The following NUP214 variants were observed in gnomAD, a reference collection of about 807,000 sequenced individuals.
NUP214 encodes nucleoporin 214.
NUP214 carries 79 observed loss-of-function variants against 196.2 expected under a neutral mutation model. The observed-to-expected ratio is 0.40, with a 90% CI of 0.34 to 0.49. The LOEUF (loss-of-function observed/expected upper bound fraction) is 0.49, where lower values mean the gene tolerates loss of function less well. NUP214 is among the 20% of genes least tolerant of loss of function. The pLI, the probability that NUP214 is intolerant of heterozygous loss-of-function variation, is 0.58. For synonymous variants in NUP214, 1,020 were observed against 990.5 expected, an observed-to-expected ratio of 1.03 and a Z score of -0.56; for missense variants, 2,468 against 2,539.0, an observed-to-expected ratio of 0.97 and a Z score of 0.60.
At position 131,129,442 on chromosome 9, in the gene NUP214, G is replaced by A. The variant is rs781387491; in HGVS notation, c.557G>A (p.Cys186Tyr). 3 of 1,614,090 alleles carry A rather than the reference G, an allele frequency of 1.9e-6. No homozygotes were observed. The highest frequency in any genetic ancestry group is 3.3e-5 in the Admixed American group (2 of 60,002). The change falls in exon 4 of 36, where the codon TGT becomes TAT. Residue 186 changes from cysteine (C) to tyrosine (Y), a missense_variant. Cys to Tyr is a radical substitution (Grantham distance 194, BLOSUM62 -2). Transcript: ENST00000359428. ...VLQVTETVKV[C>Y]ATLPSTVAVT... ...CAAGTCACGGAAACAGTGAAAGTATGTGCAACTCTTCCTTCCACGGTAGCA... is the reference window on the plus strand; with the variant it reads ...CAAGTCACGGAAACAGTGAAAGTATATGCAACTCTTCCTTCCACGGTAGCA...
intron 14 of NUP214, among the ~76,000 whole-genome samples, chr9:131,148,712 T>C (rs1339349606): frequency 6.6e-6 from 1 of 152,204 alleles, no homozygotes; most frequent in East Asian, 1.9e-4. Flanking sequence ...TGTCTGTTCA[T>C]GTCTTTATTC....
At chr9:131,132,501 A>T (rs1054181466) in intron 5 of NUP214, 95 bp from the exon 6 acceptor site, 1 of 1,034,630 alleles carries the variant, frequency 9.7e-7, no homozygotes, top group African/African-American at 1.6e-5. Context: ...GAGATGGAAC[A>T]GGTAGCATCT....
chr9:131,222,312 G>A (rs1190246334), intron 31 of NUP214, among the ~76,000 whole-genome samples: 2 of 152,228 alleles, frequency 1.3e-5, no homozygotes, highest in Non-Finnish European at 2.9e-5. Context: ...TTTTGCCTGG[G>A]TTGGATTTGT....
In NUP214 at chr9:131,176,633, C is replaced by CT. The variant is rs1300439750; in HGVS notation, c.3319+1021dup. 4.1e-4 allele frequency among the ~76,000 whole-genome samples: 62 copies of CT among 151,428 alleles called. 1 individual carries two copies. In the East Asian group the frequency reaches 7.6e-3, roughly 18 times the overall value. On this transcript the variant is annotated intron_variant, in intron 23 of 35. Transcript: ENST00000359428. ...CATGAGCCACTGCTCCTGACCAAAG[C>CT]TTTTTTTTTAACATTGTAAAATTTA... is the stretch of plus-strand genomic sequence containing the variant.
Position 131,230,648 on chromosome 9 carries a change from C to T in NUP214, c.6093C>T (p.Asn2031=). 3 of 1,614,100 alleles carry T rather than the reference C, an allele frequency of 1.9e-6. No individual in the cohort carries two copies. Among genetic ancestry groups the T allele is most frequent in the Non-Finnish European group, 2.5e-6 (3 of 1,180,000 alleles). Residue 2031 remains asparagine (N), a synonymous_variant, in exon 34 of 36, where the codon AAC becomes AAT. Coordinates refer to ENST00000359428, the MANE Select transcript of NUP214 (RefSeq NM_005085.4). ...AGCGCAGGTTTGGGAGCAGCAGCAA[C>T]ACCACATCCTTCGGCACGCTCGCGA... ...AGGFGFGSSS[N]TTSFGTLASQ...
At position 131,233,973 on chromosome 9, in the gene NUP214, A is replaced by T. The variant is rs1834947646; in HGVS notation, c.*486A>T. On this transcript the variant is annotated 3_prime_UTR_variant, in exon 36 of 36. Coordinates refer to ENST00000359428, the MANE Select transcript of NUP214 (RefSeq NM_005085.4). ...ATCTCCTCTCCTTGTTCTTTTAGCC[A>T]TTGTGTATCAGGACCATCCAAGGAC... is the stretch of plus-strand genomic sequence containing the variant. 3.3e-6 allele frequency: 1 copy of T among 306,342 alleles called. No homozygotes were observed. The highest frequency in any genetic ancestry group is 2.1e-5 in the African/African-American group (1 of 47,210). 19.0% of individuals were successfully genotyped at this position (306,342 alleles called of 1,614,324 possible). A position where few individuals can be genotyped will look rare whatever the true frequency, so the allele number is the denominator to read the frequency against.
At chr9:131,216,345 G>A (rs747884050) in intron 31 of NUP214, among the ~76,000 whole-genome samples, 4 of 148,212 alleles carry the variant, frequency 2.7e-5, no homozygotes, top group Admixed American at 6.8e-5. Flanking sequence ...CTGCCTCAGC[G>A]TCCTGAATAG....
At chr9:131,126,022 AGT>A (rs1265588100) in intron 1 of NUP214, 3 of 501,494 alleles carry the variant, frequency 6.0e-6, no homozygotes, top group Non-Finnish European at 1.1e-5. Context: ...CTGTTTATTG[AGT>A]GTTGACTGTG....
At position 131,228,087 on chromosome 9, in the gene NUP214, GCTCAATGTCTT is replaced by G. The variant is rs369812244; in HGVS notation, c.5903-69_5903-59del. 539 of 1,385,928 alleles carry G rather than the reference GCTCAATGTCTT, an allele frequency of 3.9e-4. No homozygotes were observed. The African/African-American group carries it at 7.6e-3, about 20-fold the overall frequency. The allele number at this position is 1,385,928 out of a possible 1,614,324, so 85.9% of individuals were successfully genotyped here. The stretch of plus-strand genomic sequence containing the variant: ...TCCTATTTTGATTTGGTTTCTCATT[GCTCAATGTCTT>G]CTCTTCCTGTCTCCTCCTTTCTTTC... On this transcript the variant is annotated intron_variant, in intron 32 of 35. Coordinates refer to ENST00000359428, the MANE Select transcript of NUP214 (RefSeq NM_005085.4).
At position 131,178,291 on chromosome 9, in the gene NUP214, CT is replaced by C; in HGVS notation, c.3320-19del. ...TTTGCTGGAATTAATATGGTGTTCT[CT>C]CTTCTCTGTTTAAATTAGCTGTAAA... On this transcript the variant is annotated intron_variant, in intron 23 of 35. Transcript: ENST00000359428. 1 of 1,578,766 alleles carries C rather than the reference CT, an allele frequency of 6.3e-7. No homozygotes were observed.
intron 30 of NUP214, 146 bp from the exon 31 acceptor site, chr9:131,215,066 T>G: frequency 1.7e-6 from 1 of 587,338 alleles, no homozygotes; most frequent in Non-Finnish European, 2.7e-6. Flanking sequence ...TCTAGCTTCT[T>G]TTGTGGTGGT....
At chr9:131,164,005 A>G (rs1194388429) in intron 20 of NUP214, 50 bp downstream of exon 20, 1 of 1,611,832 alleles carries the variant, frequency 6.2e-7, no homozygotes, top group Non-Finnish European at 8.5e-7. Context: ...TCTTCCAAGT[A>G]CTGATATCTT....
intron 17 of NUP214, among the ~76,000 whole-genome samples, chr9:131,157,844 C>T (rs1022788700): frequency 8.5e-5 from 13 of 152,130 alleles, no homozygotes; most frequent in East Asian, 1.9e-4. Context: ...TGGGGTTTCA[C>T]CGTGTTGACC....
rs774706033 is a variant in NUP214, at chr9:131,127,718, A to C, written c.240A>C (p.Ile80=). 1 of 1,611,030 alleles carries C rather than the reference A, an allele frequency of 6.2e-7. No individual in the cohort carries two copies. Among genetic ancestry groups the C allele is most frequent in the South Asian group, 1.1e-5 (1 of 90,916 alleles). The change falls in exon 2 of 36, where the codon ATA becomes ATC. Residue 80 remains isoleucine (I), a splice_region_variant and synonymous_variant. Transcript: ENST00000359428. The part of the protein sequence containing the change: ...QNKPGDDPNK[I]VDKVQGLLVP... ...AACCCGGAGATGATCCCAACAAAATAGGTAAGTTCCCTGGTTTATGTTGCA... is the reference window on the plus strand; with the variant it reads ...AACCCGGAGATGATCCCAACAAAATCGGTAAGTTCCCTGGTTTATGTTGCA...
chr9:131,164,196 T>G (rs1564191622), intron 21 of NUP214, 52 bp downstream of exon 21: 3 of 1,460,090 alleles, frequency 2.1e-6, no homozygotes, highest in East Asian at 4.6e-5. Flanking sequence ...TGTGGTGGGG[T>G]GTGTGTGTGT....
At position 131,198,430 on chromosome 9, in the gene NUP214, G is replaced by A. The variant is rs762310124; in HGVS notation, c.4936G>A (p.Ala1646Thr). Residue 1646 changes from alanine (A) to threonine (T), a missense_variant, in exon 29 of 36, where the codon GCT becomes ACT. By Grantham distance (58) the Ala-to-Thr change is moderately conservative. Coordinates refer to ENST00000359428, the MANE Select transcript of NUP214 (RefSeq NM_005085.4). ...CGTCACTTCTGGCTCATCCGTCTTT[G>A]CTCAGCCTCCTGCTGCCAGTTCTAG... ...GTVTSGSSVFAQPPAASSSSA... is the reference protein window; with the variant it reads ...GTVTSGSSVFTQPPAASSSSA... The A allele has an allele frequency of 6.2e-7, 1 of 1,614,226 alleles. No individual in the cohort carries two copies. The highest frequency in any genetic ancestry group is 1.1e-5 in the South Asian group (1 of 91,086).
At chr9:131,181,345 C>G (rs149629393) in intron 24 of NUP214, among the ~76,000 whole-genome samples, 1 of 152,264 alleles carries the variant, frequency 6.6e-6, no homozygotes, top group East Asian at 1.9e-4. Context: ...GTTTGAGTCC[C>G]TGCTTTCAGT....
In NUP214 at chr9:131,139,516, T is replaced by C. The variant is rs1278057830; in HGVS notation, c.1132+109T>C. The stretch of plus-strand genomic sequence containing the variant: ...CAGAGTCTACTCTGCTGGGCACTTG[T>C]AGCTTCTGGCAGCACATTTCTCCCT... On this transcript the variant is annotated intron_variant, in intron 10 of 35. Coordinates refer to ENST00000359428, the MANE Select transcript of NUP214 (RefSeq NM_005085.4). 4.7e-6 allele frequency: 7 copies of C among 1,486,746 alleles called. No homozygotes were observed. The Admixed American group carries it at 7.0e-5, about 15-fold the overall frequency. 92.1% of individuals were successfully genotyped at this position (1,486,746 alleles called of 1,614,324 possible). A position where few individuals can be genotyped will look rare whatever the true frequency, so the allele number is the denominator to read the frequency against.
chr9:131,183,949 A>G (rs1388708054), intron 24 of NUP214, among the ~76,000 whole-genome samples: 1 of 151,594 alleles, frequency 6.6e-6, no homozygotes, highest in Non-Finnish European at 1.5e-5. Flanking sequence ...CATGAAATGT[A>G]ATCGTTTACA....
Sources: gnomAD v4.1 joint callset for allele counts (sites outside exome capture counted in the v4.1 genomes callset) on GRCh38, gnomAD v4.1.1 for gene constraint, MANE v1.5 for transcripts, NCBI Gene and HGNC (gene_info 2026-07-23, HGNC 2026-07-21) for gene names.